Variants in ABI3BP observed in about 807,000 individuals in gnomAD.
ABI3BP encodes ABI family member 3 binding protein, also known as target of Nesh-SH3.
Under a neutral mutation model 268.6 loss-of-function variants are expected in ABI3BP, and 216 were observed. The observed-to-expected ratio is 0.80, with a 90% CI of 0.72 to 0.90. The LOEUF (loss-of-function observed/expected upper bound fraction) is 0.90. ABI3BP is among the 40% of genes least tolerant of loss of function. The pLI is 0.00. For synonymous variants in ABI3BP, 730 were observed against 730.0 expected (o/e 1.00, Z 0.00); for missense variants, 2,090 against 2,182.4 (o/e 0.96, Z 0.84).
At chr3:100,816,536 A>G in intron 43 of ABI3BP, 152 bp downstream of exon 43, 1 of 738,558 alleles carries the variant, frequency 1.4e-6, no homozygotes, top group Non-Finnish European at 2.4e-6. Context: ...GCTCTGTACG[A>G]GAAGCAGTTG....
At chr3:100,971,137 T>C (rs2153878720) in intron 1 of ABI3BP, among the ~76,000 whole-genome samples, 1 of 152,276 alleles carries the variant, frequency 6.6e-6, no homozygotes, top group African/African-American at 2.4e-5. Context: ...AGGCAAACAT[T>C]TGTATTTCAG....
chr3:100,817,528 T>C lies in ABI3BP; in HGVS notation c.3089-33A>G, dbSNP rs981874596. ...AAAATAATAAAATAAAGCAAAAAGA[T>C]TTAACTTGAATATTAATTTCACAGT... On this transcript the variant is annotated intron_variant, in intron 41 of 67. Transcript: ENST00000471714. 7.4e-6 allele frequency: 10 copies of C among 1,358,632 alleles called. No individual in the cohort carries two copies. In the African/African-American group the frequency reaches 1.2e-4, roughly 16 times the overall value. The allele number at this position is 1,358,632 out of a possible 1,614,324, so 84.2% of individuals were successfully genotyped here.
At chr3:100,865,951 T>C (rs2099047343) in intron 10 of ABI3BP, among the ~76,000 whole-genome samples, 1 of 152,220 alleles carries the variant, frequency 6.6e-6, no homozygotes, top group Non-Finnish European at 1.5e-5. Flanking sequence ...AAGGTGGGGA[T>C]GAAAGGTTCA....
At chr3:100,872,889 G>A (rs1010920547) in intron 9 of ABI3BP, among the ~76,000 whole-genome samples, 2 of 152,108 alleles carry the variant, frequency 1.3e-5, no homozygotes, top group African/African-American at 4.8e-5. Context: ...TACTAGATAT[G>A]ACTATTTTAA....
intron 63 of ABI3BP, among the ~76,000 whole-genome samples, chr3:100,763,465 A>G (rs920907004): frequency 6.8e-6 from 1 of 146,006 alleles, no homozygotes; most frequent in African/African-American, 2.5e-5. Flanking sequence ...CTCTGTCTCA[A>G]AAAAAAAAAA....
chr3:100,836,208 G>T (rs2098586214), intron 27 of ABI3BP, among the ~76,000 whole-genome samples: 1 of 152,038 alleles, frequency 6.6e-6, no homozygotes, highest in Non-Finnish European at 1.5e-5. Flanking sequence ...AATTATTCAA[G>T]TAGAAAACAG....
At chr3:100,777,810 T>C (rs2096750520) in intron 59 of ABI3BP, among the ~76,000 whole-genome samples, 1 of 152,198 alleles carries the variant, frequency 6.6e-6, no homozygotes, top group South Asian at 2.1e-4. Flanking sequence ...TCCGTCACCC[T>C]GAATATTTTA....
At chr3:100,897,852 T>G (rs2048447191) in intron 4 of ABI3BP, among the ~76,000 whole-genome samples, 1 of 152,216 alleles carries the variant, frequency 6.6e-6, no homozygotes, top group South Asian at 2.1e-4. Context: ...TGAATGTATT[T>G]AAAATAGAAA....
chr3:100,886,084 A>T (rs2041864189), intron 5 of ABI3BP, 58 bp downstream of exon 5: 1 of 1,325,302 alleles, frequency 7.5e-7, no homozygotes, highest in Non-Finnish European at 1.0e-6. Context: ...ATTAAAAATT[A>T]GGTAACTAAG....
At chr3:100,905,190 T>C (rs897864951) in intron 2 of ABI3BP, among the ~76,000 whole-genome samples, 1 of 151,888 alleles carries the variant, frequency 6.6e-6, no homozygotes, top group Non-Finnish European at 1.5e-5. Context: ...ATGTTCTCAC[T>C]CATAGGTGGG....
chr3:100,945,554 T>G (rs576553242), intron 1 of ABI3BP: 1 of 409,198 alleles, frequency 2.4e-6, no homozygotes, highest in African/African-American at 2.1e-5. Context: ...TCTGCTTTTC[T>G]GGTAATTAAA....
chr3:100,782,840 A>G (rs2096909739), intron 57 of ABI3BP, among the ~76,000 whole-genome samples: 1 of 152,188 alleles, frequency 6.6e-6, no homozygotes, highest in Non-Finnish European at 1.5e-5. Context: ...TTGGCACCCA[A>G]TTAGACAGTC....
At chr3:100,800,521 T>G (rs1034497659) in intron 51 of ABI3BP, among the ~76,000 whole-genome samples, 7 of 152,206 alleles carry the variant, frequency 4.6e-5, no homozygotes, top group Non-Finnish European at 8.8e-5. Context: ...TCACCCAGGC[T>G]GGAGTGCAGT....
chr3:100,878,680 A>C (rs1403327684), intron 6 of ABI3BP, among the ~76,000 whole-genome samples: 2 of 152,134 alleles, frequency 1.3e-5, no homozygotes, highest in African/African-American at 4.8e-5. Flanking sequence ...ACATGTGAGC[A>C]CTTGCACAGA....
chr3:100,858,901 T>C (rs1360217769), intron 14 of ABI3BP, among the ~76,000 whole-genome samples: 4 of 152,208 alleles, frequency 2.6e-5, no homozygotes, highest in Admixed American at 2.6e-4. Context: ...TACGAGTAGA[T>C]GTGGCTTCTC....
intron 6 of ABI3BP, among the ~76,000 whole-genome samples, chr3:100,877,757 A>G (rs1337714046): frequency 6.6e-6 from 1 of 152,210 alleles, no homozygotes; most frequent in Non-Finnish European, 1.5e-5. Context: ...TGATACAGAT[A>G]TGGCATATAC....
At chr3:100,811,349 A>G (rs1200915188) in intron 47 of ABI3BP, 72 bp from the exon 48 acceptor site, 28 of 1,103,296 alleles carry the variant, frequency 2.5e-5, no homozygotes, top group Admixed American at 1.2e-4. Context: ...TTGAATATCA[A>G]ATTTTATTAA....
intron 1 of ABI3BP, among the ~76,000 whole-genome samples, chr3:100,941,077 T>C (rs533485027): frequency 6.6e-6 from 1 of 151,602 alleles, no homozygotes; most frequent in South Asian, 2.1e-4. Context: ...AAAAGTCCCA[T>C]AAGCCACATA....
At position 100,822,125 on chromosome 3, in the gene ABI3BP, C is replaced by T. The variant is rs1441136103; in HGVS notation, c.2887+464G>A. Among the ~76,000 whole-genome samples, 7 of 152,286 alleles carry T rather than the reference C, an allele frequency of 4.6e-5. No individual in the cohort carries two copies. The East Asian group carries it at 1.4e-3, about 29-fold the overall frequency. On this transcript the variant is annotated intron_variant, in intron 38 of 67. Transcript: ENST00000471714. ...CTCCAAAACCAGTCTTGTATTTGCACAGATACTGCCCCATACCATCTTTTA... is the reference window on the plus strand; with the variant it reads ...CTCCAAAACCAGTCTTGTATTTGCATAGATACTGCCCCATACCATCTTTTA...
Sources: allele counts gnomAD v4.1 joint callset (sites outside exome capture counted in the v4.1 genomes callset), GRCh38; gene constraint gnomAD v4.1.1; transcripts MANE v1.5; gene names NCBI Gene and HGNC (gene_info 2026-07-23, HGNC 2026-07-21).